The following PPP2R5E variants were observed in gnomAD, a reference collection of about 807,000 sequenced individuals.
PPP2R5E encodes the protein protein phosphatase 2 regulatory subunit B'epsilon, also known as serine/threonine-protein phosphatase 2A 56 kDa regulatory subunit epsilon isoform.
A neutral mutation model predicts 65.3 loss-of-function variants in PPP2R5E; 4 were observed. The ratio of observed to expected loss-of-function variants is 0.06; its 90% CI spans 0.03 to 0.14. The LOEUF (loss-of-function observed/expected upper bound fraction) is 0.14, where lower values mean the gene tolerates loss of function less well. Ranked by LOEUF, PPP2R5E falls within the 10% of genes least tolerant of loss-of-function variation. The pLI is 1.00. For synonymous variants in PPP2R5E, 183 were observed against 187.4 expected (o/e 0.98, Z 0.19); for missense variants, 274 against 556.1 (o/e 0.49, Z 5.10).
At chr14:63,444,579 G>T (rs1316593443) in intron 3 of PPP2R5E, among the ~76,000 whole-genome samples, 1 of 151,408 alleles carries the variant, frequency 6.6e-6, no homozygotes, top group East Asian at 1.9e-4. Flanking sequence ...TCTCATATTT[G>T]AAGTATCCCC....
At chr14:63,408,108 A>T (rs756172387) in intron 5 of PPP2R5E, among the ~76,000 whole-genome samples, 1 of 152,210 alleles carries the variant, frequency 6.6e-6, no homozygotes, top group Non-Finnish European at 1.5e-5. Context: ...CCTAAAATAG[A>T]TCATTGAGTA....
chr14:63,516,593 G>T (rs1025304150), intron 2 of PPP2R5E, among the ~76,000 whole-genome samples: 1 of 152,290 alleles, frequency 6.6e-6, no homozygotes, highest in African/African-American at 2.4e-5. Flanking sequence ...GGTTAATAGC[G>T]ATTTCCTATC....
chr14:63,447,916 C>T (rs191570162), intron 3 of PPP2R5E, among the ~76,000 whole-genome samples: 5 of 152,238 alleles, frequency 3.3e-5, no homozygotes, highest in Admixed American at 2.0e-4. Context: ...GAGGAACAAC[C>T]GCTCAGCAGA....
At chr14:63,380,026 G>T (rs1328194236) in intron 13 of PPP2R5E, among the ~76,000 whole-genome samples, 1 of 150,960 alleles carries the variant, frequency 6.6e-6, no homozygotes, top group Non-Finnish European at 1.5e-5. Context: ...GTAGAGACAG[G>T]GTTTCACCAT....
intron 12 of PPP2R5E, among the ~76,000 whole-genome samples, chr14:63,382,379 A>C (rs1884415826): frequency 6.6e-6 from 1 of 152,026 alleles, no homozygotes; most frequent in Non-Finnish European, 1.5e-5. Flanking sequence ...CTAGAAAAAA[A>C]ATCTAACTTT....
chr14:63,430,346 T>TATAC (rs36182172), intron 3 of PPP2R5E, among the ~76,000 whole-genome samples: 82 of 135,236 alleles, frequency 6.1e-4, no homozygotes, highest in African/African-American at 2.2e-3. Flanking sequence ...AAAACCCATG[T>TATAC]ATACATACAT....
chr14:63,475,106 T>C (rs1281312013), intron 2 of PPP2R5E, among the ~76,000 whole-genome samples: 1 of 152,228 alleles, frequency 6.6e-6, no homozygotes. Context: ...AACCCACACC[T>C]CACCCTCCCT....
At chr14:63,406,903 T>C (rs539230047) in intron 5 of PPP2R5E, among the ~76,000 whole-genome samples, 23 of 152,304 alleles carry the variant, frequency 1.5e-4, no homozygotes, top group African/African-American at 5.1e-4. Context: ...AAATAATTCA[T>C]AACATGCTAG....
intron 2 of PPP2R5E, among the ~76,000 whole-genome samples, chr14:63,473,994 C>T (rs1029988706): frequency 1.3e-5 from 2 of 152,128 alleles, no homozygotes; most frequent in Non-Finnish European, 2.9e-5. Context: ...GAGGGAGAGA[C>T]ATTCATATGA....
At chr14:63,436,480 G>T (rs1887958700) in intron 3 of PPP2R5E, among the ~76,000 whole-genome samples, 1 of 152,180 alleles carries the variant, frequency 6.6e-6, no homozygotes, top group African/African-American at 2.4e-5. Context: ...GTGTGTCTGT[G>T]ACCTTTCATT....
At chr14:63,503,805 G>A (rs1275096900) in intron 2 of PPP2R5E, among the ~76,000 whole-genome samples, 2 of 152,124 alleles carry the variant, frequency 1.3e-5, no homozygotes, top group Admixed American at 6.6e-5. Flanking sequence ...AAGAGGTTCC[G>A]ATGGCAAGAT....
intron 2 of PPP2R5E, among the ~76,000 whole-genome samples, chr14:63,463,142 GT>G (rs1889585592): frequency 6.8e-6 from 1 of 146,214 alleles, no homozygotes; most frequent in Non-Finnish European, 1.5e-5. Flanking sequence ...TTTTGTTTTT[GT>G]TTTTGTTTTT....
At chr14:63,442,784 C>T (rs1366735874) in intron 3 of PPP2R5E, among the ~76,000 whole-genome samples, 3 of 152,240 alleles carry the variant, frequency 2.0e-5, no homozygotes, top group Middle Eastern at 3.4e-3. Context: ...TTTCAGGCAT[C>T]CCTGGGGTCT....
chr14:63,416,919 G>T (rs1886725282), intron 4 of PPP2R5E, among the ~76,000 whole-genome samples: 1 of 152,202 alleles, frequency 6.6e-6, no homozygotes, highest in South Asian at 2.1e-4. Flanking sequence ...CATCAAAAAA[G>T]GGAGAGTATT....
intron 8 of PPP2R5E, among the ~76,000 whole-genome samples, 191 bp from the exon 9 acceptor site, chr14:63,392,216 T>A (rs1400766323): frequency 6.6e-6 from 1 of 152,176 alleles, no homozygotes; most frequent in African/African-American, 2.4e-5. Context: ...AGACTAATAT[T>A]AACAAGGCTC....
intron 2 of PPP2R5E, among the ~76,000 whole-genome samples, chr14:63,533,010 A>AT (rs910670927): frequency 1.3e-5 from 2 of 150,600 alleles, no homozygotes; most frequent in African/African-American, 2.4e-5. Flanking sequence ...TTTTTATTGT[A>AT]TTTTTTTTTA....
At chr14:63,523,092 T>G (rs1236801743) in intron 2 of PPP2R5E, among the ~76,000 whole-genome samples, 16 of 144,530 alleles carry the variant, frequency 1.1e-4, no homozygotes, top group Admixed American at 1.0e-3. Flanking sequence ...GGTGGGGGGG[T>G]CAGCCCCCCG....
chr14:63,473,996 T>C (rs566069103), intron 2 of PPP2R5E, among the ~76,000 whole-genome samples: 109 of 152,302 alleles, frequency 7.2e-4, no homozygotes, highest in African/African-American at 2.6e-3. Context: ...GGGAGAGACA[T>C]TCATATGATT....
intron 3 of PPP2R5E, chr14:63,451,957 A>G (rs939893055): frequency 5.9e-5 from 9 of 152,210 alleles, no homozygotes; most frequent in African/African-American, 2.2e-4. Context: ...ATGTGTGTAT[A>G]AGGATATTCA....
Sources: gnomAD v4.1 joint callset for allele counts (sites outside exome capture counted in the v4.1 genomes callset) on GRCh38, gnomAD v4.1.1 for gene constraint, MANE v1.5 for transcripts, NCBI Gene and HGNC (gene_info 2026-07-23, HGNC 2026-07-21) for gene names.